The following CFAP70 variants were observed in gnomAD, a reference collection of about 807,000 sequenced individuals.
CFAP70 encodes the protein cilia- and flagella-associated protein 70.
CFAP70 carries 81 observed loss-of-function variants against 137.6 expected under a neutral mutation model. The observed-to-expected ratio is 0.59, with a 90% CI of 0.49 to 0.71. The LOEUF (loss-of-function observed/expected upper bound fraction) is 0.71. Ranked by LOEUF, CFAP70 falls within the 30% of genes least tolerant of loss-of-function variation. The probability of loss-of-function intolerance (pLI) is 0.00; values close to 1 mark genes in which losing one functional copy is unlikely to be tolerated. For missense variants in CFAP70, 976 were observed against 1,226.7 expected, an observed-to-expected ratio of 0.80 and a Z score of 3.05; for synonymous variants, 382 against 423.6, an observed-to-expected ratio of 0.90 and a Z score of 1.20.
intron 23 of CFAP70, among the ~76,000 whole-genome samples, chr10:73,274,204 T>C (rs2046526078): frequency 6.6e-6 from 1 of 152,242 alleles, no homozygotes; most frequent in Admixed American, 6.5e-5. Flanking sequence ...TCTTAAGAAC[T>C]GTTTAGTAGC....
intron 1 of CFAP70, among the ~76,000 whole-genome samples, chr10:73,357,868 C>T (rs1472205131): frequency 1.3e-5 from 2 of 152,192 alleles, no homozygotes; most frequent in East Asian, 1.9e-4. Flanking sequence ...GCTTCCCAGT[C>T]GGAAAAACTT....
At chr10:73,334,825 G>T (rs974012697) in intron 7 of CFAP70, among the ~76,000 whole-genome samples, 2 of 150,798 alleles carry the variant, frequency 1.3e-5, no homozygotes, top group Admixed American at 6.6e-5. Flanking sequence ...TGATCCACCC[G>T]CCTCGGCCTT....
At chr10:73,361,571 CATA>C (rs2055011350), upstream of CFAP70, among the ~76,000 whole-genome samples, 1 of 151,964 alleles carries the variant, frequency 6.6e-6, no homozygotes, top group African/African-American at 2.4e-5. Flanking sequence ...GTACTGGAAT[CATA>C]ATAAAATCAT....
intron 25 of CFAP70, 83 bp downstream of exon 26, chr10:73,269,531 A>G: frequency 1.1e-6 from 1 of 881,602 alleles, no homozygotes; most frequent in Non-Finnish European, 1.9e-6. Flanking sequence ...CCATGCATTA[A>G]TGGCCATCTG....
At chr10:73,258,942 A>G (rs184017072) in intron 25 of CFAP70, among the ~76,000 whole-genome samples, 1 of 152,348 alleles carries the variant, frequency 6.6e-6, no homozygotes, top group Non-Finnish European at 1.5e-5. Flanking sequence ...CCAGTGGGAC[A>G]TGAAACTTCA....
chr10:73,254,161 C>T lies in CFAP70; in HGVS notation c.3076-106G>A, dbSNP rs2044235160. On this transcript the variant is annotated intron_variant, in intron 26 of 26. Coordinates refer to ENST00000310715, the Ensembl canonical transcript of CFAP70. ...GGGCTACGGCTAAAGAACATAGTTC[C>T]CTGGGATGGAATTGGCTCTTCCTAT... 4 of 853,248 alleles carry T rather than the reference C, an allele frequency of 4.7e-6. No homozygotes were observed. In the East Asian group the frequency reaches 8.3e-5, roughly 18 times the overall value. 52.9% of individuals were successfully genotyped at this position (853,248 alleles called of 1,614,324 possible).
chr10:73,315,474 A>G (rs1286214343), intron 9 of CFAP70, among the ~76,000 whole-genome samples: 1 of 152,194 alleles, frequency 6.6e-6, no homozygotes, highest in Non-Finnish European at 1.5e-5. Context: ...GTCTTCGTGT[A>G]AATACAGGTT....
At chr10:73,256,160 C>A (rs1389072263) in intron 26 of CFAP70, among the ~76,000 whole-genome samples, 2 of 152,142 alleles carry the variant, frequency 1.3e-5, no homozygotes, top group Non-Finnish European at 2.9e-5. Context: ...ATTATATATT[C>A]TCTCTAAAGA....
At chr10:73,331,250 C>T (rs769243601) in exon 8 of CFAP70, 66 of 1,613,190 alleles carry the variant, frequency 4.1e-5, no homozygotes, top group Non-Finnish European at 5.3e-5. Flanking sequence ...AGGCCAAAGC[C>T]GGCAATCGGC....
At chr10:73,333,303 G>A (rs79716431) in intron 7 of CFAP70, among the ~76,000 whole-genome samples, 16,078 of 151,996 alleles carry the variant, frequency 0.11, 1,236 homozygotes, top group East Asian at 0.3. Context: ...GGTGTAATTA[G>A]GCATAACAGA....
At chr10:73,339,511 T>A (rs780333460) in intron 6 of CFAP70, among the ~76,000 whole-genome samples, 1 of 152,194 alleles carries the variant, frequency 6.6e-6, no homozygotes, top group Non-Finnish European at 1.5e-5. Flanking sequence ...GCTAGGCTCA[T>A]TTCACCCACT....
chr10:73,309,028 G>T (rs947709832), intron 12 of CFAP70, among the ~76,000 whole-genome samples: 16 of 152,132 alleles, frequency 1.1e-4, no homozygotes, highest in African/African-American at 3.6e-4. Context: ...ATAAAAGAAA[G>T]AATGAAGATT....
At chr10:73,321,080 T>C (rs2050809944) in intron 9 of CFAP70, among the ~76,000 whole-genome samples, 1 of 152,232 alleles carries the variant, frequency 6.6e-6, no homozygotes, top group South Asian at 2.1e-4. Flanking sequence ...TCAAAAAGTT[T>C]TCATGAATAT....
At chr10:73,292,776 C>G (rs1249717877) in intron 16 of CFAP70, among the ~76,000 whole-genome samples, 1 of 151,870 alleles carries the variant, frequency 6.6e-6, no homozygotes, top group Non-Finnish European at 1.5e-5. Flanking sequence ...CTGTACTTTT[C>G]CTTTTCTTTC....
intron 8 of CFAP70, among the ~76,000 whole-genome samples, chr10:73,325,211 A>C (rs375946678): frequency 3.5e-4 from 53 of 152,114 alleles, no homozygotes; most frequent in Non-Finnish European, 5.9e-4. Flanking sequence ...AATTTTCAAC[A>C]CAGAATTTCA....
At chr10:73,295,458 C>T (rs1176474672) in intron 15 of CFAP70, 1 of 152,064 alleles carries the variant, frequency 6.6e-6, no homozygotes. Context: ...TTTTTTCCTT[C>T]GTCATCCAAC....
chr10:73,338,919 A>G (rs993315453), intron 6 of CFAP70, among the ~76,000 whole-genome samples: 26 of 147,904 alleles, frequency 1.8e-4, no homozygotes, highest in African/African-American at 6.4e-4. Context: ...AGGGATCACT[A>G]TACTTTTTTT....
At chr10:73,255,717 T>C (rs759764707) in intron 26 of CFAP70, among the ~76,000 whole-genome samples, 1 of 151,982 alleles carries the variant, frequency 6.6e-6, no homozygotes, top group Non-Finnish European at 1.5e-5. Flanking sequence ...GCTAATTTTT[T>C]TGTATTTTTA....
Position 73,272,911 on chromosome 10 carries a change from A to G in CFAP70, c.2925+17T>C. 1.3e-6 allele frequency: 2 copies of G among 1,549,938 alleles called. No individual in the cohort carries two copies. Among genetic ancestry groups the G allele is most frequent in the Non-Finnish European group, 8.7e-7 (1 of 1,145,392 alleles). On this transcript the variant is annotated intron_variant, in intron 24 of 26. Coordinates refer to ENST00000310715, the Ensembl canonical transcript of CFAP70. ...AGCTGTATCCACAGCCCTAGTCTCA[A>G]GCCTTCATCCTCTTACCCGATAGCA...
Sources: allele counts gnomAD v4.1 joint callset (sites outside exome capture counted in the v4.1 genomes callset), GRCh38; gene constraint gnomAD v4.1.1; transcripts MANE v1.5; gene names NCBI Gene and HGNC (gene_info 2026-07-23, HGNC 2026-07-21).